The following SALL4 variants were observed in gnomAD, a reference collection of about 807,000 sequenced individuals.
SALL4 encodes spalt like transcription factor 4, also known as sal-like protein 4.
In SALL4, 4 loss-of-function variants were observed where a neutral mutation model predicts 60.8. The ratio of observed to expected loss-of-function variants is 0.07; its 90% confidence interval spans 0.03 to 0.15. The LOEUF is 0.15. Ranked by LOEUF, SALL4 falls within the 10% of genes least tolerant of loss-of-function variation. The pLI is 1.00. For synonymous variants in SALL4, 580 were observed against 574.9 expected, an observed-to-expected ratio of 1.01 and a Z score of -0.13; for missense variants, 1,178 against 1,394.7, an observed-to-expected ratio of 0.84 and a Z score of 2.48.
chr20:51,796,251 C>G (rs1220641943), intron 1 of SALL4, among the ~76,000 whole-genome samples: 2 of 148,296 alleles, frequency 1.3e-5, no homozygotes, highest in East Asian at 3.9e-4. Context: ...AAAAAACCCT[C>G]AATAAAGCCC....
At position 51,790,059 on chromosome 20, in the gene SALL4, T is replaced by A. The variant is rs1287484361; in HGVS notation, c.2424A>T (p.Lys808Asn). The A allele has an allele frequency of 6.2e-7, 1 of 1,614,198 alleles. No homozygotes were observed. The highest frequency in any genetic ancestry group is 2.2e-5 in the East Asian group (1 of 44,880). ...IKSKSPDAGS[K>N]AESSENSRTE... is the part of the protein sequence containing the mutation. ...TGCGGCTGTTCTCGGAGCTCTCTGC[T>A]TTGCTCCCAGCATCGGGAGACTTTG... The change falls in exon 2 of 4, where the codon AAA (lysine) becomes AAT (asparagine). Residue 808 changes from lysine (K) to asparagine (N), a missense_variant. By Grantham distance (94) the Lys-to-Asn change is moderately conservative (BLOSUM62 0). Coordinates refer to ENST00000217086, the MANE Select transcript of SALL4 (RefSeq NM_020436.5). The surrounding 1 kb of genome is among the most constrained non-coding windows in gnomAD (Gnocchi z 5.5).
rs367733436 is a variant in SALL4, at chr20:51,783,328, G to C, written c.*937C>G. 27 of 152,204 alleles carry C rather than the reference G, an allele frequency of 1.8e-4. No individual in the cohort carries two copies. The highest frequency in any genetic ancestry group is 6.2e-4 in the South Asian group (3 of 4,806). 9.4% of individuals were successfully genotyped at this position (152,204 alleles called of 1,614,324 possible). On this transcript the variant is annotated 3_prime_UTR_variant, in exon 4 of 4. Coordinates refer to ENST00000217086, the MANE Select transcript of SALL4 (RefSeq NM_020436.5). ...ACACATTGACTCCCTAAGGACTAAC[G>C]TAAGTCCATTTGAGGGCCTCCTACT...
At chr20:51,798,107 C>T (rs1222949256) in intron 1 of SALL4, among the ~76,000 whole-genome samples, 1 of 152,186 alleles carries the variant, frequency 6.6e-6, no homozygotes, top group Non-Finnish European at 1.5e-5. Context: ...AAAACTGCCT[C>T]TTTAGCAGCT....
chr20:51,801,922 G>GT lies in SALL4; in HGVS notation c.130+356_130+357insA, dbSNP rs960653318. Among the ~76,000 whole-genome samples the GT allele has an allele frequency of 1.1e-5, 1 of 94,712 alleles. No homozygotes were observed. The highest frequency in any genetic ancestry group is 4.3e-4 in the South Asian group (1 of 2,310). The allele number at this position is 94,712 out of a possible 152,430, so 62.1% of individuals were successfully genotyped here. On this transcript the variant is annotated intron_variant, in intron 1 of 3. Transcript: ENST00000217086. This position sits in a 1 kb window ranked among gnomAD's most constrained non-coding sequence, Gnocchi z 5.2. ...AGGGAGGGGGACCTAAGTTACAAGG[G>GT]GGGGGGGTAACACCAGTGAGGGGAG...
At chr20:51,785,469 C>T (rs17802729) in intron 3 of SALL4, among the ~76,000 whole-genome samples, 34,835 of 152,100 alleles carry the variant, frequency 0.23, 4,441 homozygotes, top group Non-Finnish European at 0.3. Flanking sequence ...ACTGTCTGCA[C>T]TTTATATTTA....
At position 51,784,387 on chromosome 20, in the gene SALL4, A is replaced by C. The variant is rs1366576534; in HGVS notation, c.3040T>G (p.Ser1014Ala). ...CCCGACTGGGAGCCATCCATCTTGG[A>C]GACAGTGGCGTTATTCACAACGGAG... ...ATSVVNNATV[S>A]KMDGSQSGIS... Residue 1014 changes from serine (S) to alanine (A), a missense_variant, in exon 4 of 4, where the codon TCC (serine) becomes GCC (alanine). By Grantham distance (99) the Ser-to-Ala change is moderately conservative (BLOSUM62 1). Around this residue, in one of 5 missense-constraint regions of SALL4, gnomAD observed 174 missense variants for 169.6 expected, o/e 1.03. Transcript: ENST00000217086. 1 of 1,614,172 alleles carries C rather than the reference A, an allele frequency of 6.2e-7. No individual in the cohort carries two copies. Among genetic ancestry groups the C allele is most frequent in the East Asian group, 2.2e-5 (1 of 44,878 alleles).
Position 51,784,448 on chromosome 20 carries a change from C to A in SALL4, c.2979G>T (p.Gly993=), listed in dbSNP as rs773020410. The change falls in exon 4 of 4, where the codon GGG becomes GGT. Residue 993 remains glycine, a synonymous_variant. Coordinates refer to ENST00000217086, the MANE Select transcript of SALL4 (RefSeq NM_020436.5). The part of the protein sequence containing the change: ...KTNEISVIQS[G]GVPTLPVSLG... ...AGGAAACCGGGAGGGTAGGAACCCC[C>A]CCACTCTGGATCACAGAGATCTCAT... The A allele has an allele frequency of 3.7e-6, 6 of 1,614,098 alleles. No individual in the cohort carries two copies. The Admixed American group carries it at 1.0e-4, about 27-fold the overall frequency.
intron 2 of SALL4, 102 bp downstream of exon 2, chr20:51,789,920 G>A (rs763124952): frequency 7.1e-5 from 101 of 1,425,136 alleles, no homozygotes; most frequent in Non-Finnish European, 9.8e-5. Flanking sequence ...TATAGAAGGG[G>A]CTGCTTCAAG....
chr20:51,801,253 C>A lies in SALL4; in HGVS notation c.130+1026G>T, dbSNP rs1016359209. On this transcript the variant is annotated intron_variant, in intron 1 of 3. Transcript: ENST00000217086. The surrounding 1 kb of genome is among the most constrained non-coding windows in gnomAD (Gnocchi z 5.2). ...GTGATGAAGTGGGAACAGAGTTGGC[C>A]CCGCCGTTCCTGGCGCGGCTGGGGT... Among the ~76,000 whole-genome samples, 3 of 152,210 alleles carry A rather than the reference C, an allele frequency of 2.0e-5. No homozygotes were observed. Among genetic ancestry groups the A allele is most frequent in the East Asian group, 1.9e-4 (1 of 5,182 alleles).
At chr20:51,789,955 A>C in intron 2 of SALL4, 67 bp downstream of exon 2, 7 of 1,599,460 alleles carry the variant, frequency 4.4e-6, no homozygotes, top group Non-Finnish European at 6.0e-6. Context: ...TGTAAAGTTC[A>C]ACCCAGGCTC....
Position 51,791,747 on chromosome 20 carries a change from C to G in SALL4, c.736G>C (p.Ala246Pro). Reference protein sequence around the residue: ...RIQVNMWASHALHSSGAGADT... With the variant: ...RIQVNMWASHPLHSSGAGADT... Reference sequence around the variant, plus strand: ...GCCCCTGCCCCGCTTGAGTGGAGGGCGTGGGAGGCCCACATGTTCACCTGG... The same window carrying G: ...GCCCCTGCCCCGCTTGAGTGGAGGGGGTGGGAGGCCCACATGTTCACCTGG... Residue 246 changes from alanine to proline, a missense_variant, in exon 2 of 4, where the codon GCC becomes CCC. Around this residue, in one of 5 missense-constraint regions of SALL4, gnomAD observed 853 missense variants for 1,036.8 expected, o/e 0.82. Coordinates refer to ENST00000217086, the MANE Select transcript of SALL4 (RefSeq NM_020436.5). The surrounding 1 kb of genome is among the most constrained non-coding windows in gnomAD (Gnocchi z 4.6). 5 of 1,614,086 alleles carry G rather than the reference C, an allele frequency of 3.1e-6. No homozygotes were observed. The highest frequency in any genetic ancestry group is 3.4e-6 in the Non-Finnish European group (4 of 1,180,046).
chr20:51,796,236 GA>G lies in SALL4; in HGVS notation c.131-3885del, dbSNP rs11480674. Among the ~76,000 whole-genome samples, 999 of 132,754 alleles carry G rather than the reference GA, an allele frequency of 7.5e-3. 13 individuals are homozygous for G. Among genetic ancestry groups the G allele is most frequent in the African/African-American group, 0.025 (939 of 36,880 alleles). The allele number at this position is 132,754 out of a possible 152,430, so 87.1% of individuals were successfully genotyped here. ...AAAGAAAGAAAGAAAGAAAAGAAAA[GA>G]AAAAAAAAACCCTCAATAAAGCCCA... On this transcript the variant is annotated intron_variant, in intron 1 of 3. Coordinates refer to ENST00000217086, the MANE Select transcript of SALL4 (RefSeq NM_020436.5).
Position 51,790,032 on chromosome 20 carries a change from A to T in SALL4, c.2451T>A (p.Thr817=), listed in dbSNP as rs772584050. The T allele has an allele frequency of 6.2e-7, 1 of 1,613,994 alleles. No individual in the cohort carries two copies. The highest frequency in any genetic ancestry group is 8.5e-7 in the Non-Finnish European group (1 of 1,180,012). ...SKAESSENSR[T]EMEGRSSLPS... Reference sequence around the variant, plus strand: ...CCAAAGCTCTATCACCTTCCATCTCAGTGCGGCTGTTCTCGGAGCTCTCTG... The same window carrying T: ...CCAAAGCTCTATCACCTTCCATCTCTGTGCGGCTGTTCTCGGAGCTCTCTG... Residue 817 remains threonine, a synonymous_variant, in exon 2 of 4, where the codon ACT becomes ACA. Transcript: ENST00000217086. The surrounding 1 kb of genome is among the most constrained non-coding windows in gnomAD (Gnocchi z 5.5).
In SALL4 at chr20:51,784,563, T is replaced by C. The variant is rs757843125; in HGVS notation, c.2864A>G (p.Lys955Arg). The C allele has an allele frequency of 7.4e-6, 12 of 1,614,156 alleles. No individual in the cohort carries two copies. The highest frequency in any genetic ancestry group is 9.3e-6 in the Non-Finnish European group (11 of 1,180,018). The change falls in exon 4 of 4, where the codon AAG becomes AGG. Residue 955 changes from lysine to arginine, a missense_variant. This residue lies in a region of SALL4 where 174 missense variants were observed against 169.6 expected (regional missense o/e 1.03). Transcript: ENST00000217086. ...ATTCACTGAAGGGGCCAGGATTTCC[T>C]TGGGAAAGATTTCTGAGACTCTTTT... ...DGKRVSEIFPKEILAPSVNVD... is the reference protein window; with the variant it reads ...DGKRVSEIFPREILAPSVNVD...
rs777302596 is a variant in SALL4 at position 51,790,226 on chromosome 20, A to C, written c.2257T>G (p.Ser753Ala). Reference protein sequence around the residue: ...LQRQGSRENGSVESDGLTNDS... With the variant: ...LQRQGSRENGAVESDGLTNDS... ...TTGGTCAAGCCATCGCTCTCCACGG[A>C]ACCGTTTTCTCTGCTGCCCTGGCGC... The change falls in exon 2 of 4, where the codon TCC (serine) becomes GCC (alanine). Residue 753 changes from serine (S) to alanine (A), a missense_variant. Physicochemically the swap from Ser to Ala is moderately conservative, Grantham distance 99. This residue lies in a region of SALL4 where 853 missense variants were observed against 1,036.8 expected (regional missense o/e 0.82). Coordinates refer to ENST00000217086, the MANE Select transcript of SALL4 (RefSeq NM_020436.5). This position sits in a 1 kb window ranked among gnomAD's most constrained non-coding sequence, Gnocchi z 5.5. 2.5e-5 allele frequency: 41 copies of C among 1,614,002 alleles called. No homozygotes were observed. Among genetic ancestry groups the C allele is most frequent in the Non-Finnish European group, 3.3e-5 (39 of 1,180,026 alleles).
At chr20:51,787,599 G>A (rs1185225321) in intron 3 of SALL4, among the ~76,000 whole-genome samples, 3 of 152,108 alleles carry the variant, frequency 2.0e-5, no homozygotes, top group Non-Finnish European at 4.4e-5. Flanking sequence ...GCACCTGGCT[G>A]CTTTCTTTAA....
intron 1 of SALL4, among the ~76,000 whole-genome samples, chr20:51,797,947 T>C (rs1485388556): frequency 6.6e-6 from 1 of 152,206 alleles, no homozygotes; most frequent in Non-Finnish European, 1.5e-5. Context: ...CTCAAGCTTA[T>C]CTTTTTTTCA....
rs145735478 is a variant in SALL4, at chr20:51,791,278, C to G, written c.1205G>C (p.Arg402Pro). The G allele has an allele frequency of 1.2e-6, 2 of 1,614,048 alleles. No individual in the cohort carries two copies. The highest frequency in any genetic ancestry group is 2.2e-5 in the South Asian group (2 of 91,076). Reference sequence around the variant, plus strand: ...GAAGGGTCTCTCTCCAGTGTGGGAGCGGAGGTGGATCTGCAAGGAGCTATC... The same window carrying G: ...GAAGGGTCTCTCTCCAGTGTGGGAGGGGAGGTGGATCTGCAAGGAGCTATC... ...GTDSSLQIHL[R>P]SHTGERPFVC... The change falls in exon 2 of 4, where the codon CGC becomes CCC. Residue 402 changes from arginine (R) to proline (P), a missense_variant. By Grantham distance (103) the Arg-to-Pro change is moderately radical. Around this residue, in one of 5 missense-constraint regions of SALL4, gnomAD observed 853 missense variants for 1,036.8 expected, o/e 0.82. Coordinates refer to ENST00000217086, the MANE Select transcript of SALL4 (RefSeq NM_020436.5). This position sits in a 1 kb window ranked among gnomAD's most constrained non-coding sequence, Gnocchi z 4.6.
intron 1 of SALL4, among the ~76,000 whole-genome samples, chr20:51,800,586 AAGGGGAGGTCAGCGTAGGACC>A (rs2078103508): frequency 6.6e-6 from 1 of 152,152 alleles, no homozygotes; most frequent in Non-Finnish European, 1.5e-5. Context: ...ATGAAGGGGG[AAGGGGAGGTCAGCGTAGGACC>A]AGGGGAGGGG....
Sources: allele counts gnomAD v4.1 joint callset (sites outside exome capture counted in the v4.1 genomes callset), GRCh38; gene constraint gnomAD v4.1.1; regional missense constraint gnomAD v4.1.1; non-coding constraint Gnocchi (gnomAD v3.1); transcripts MANE v1.5; gene names NCBI Gene and HGNC (gene_info 2026-07-23, HGNC 2026-07-21).